The following BPGM variants were observed in gnomAD, a reference collection of about 807,000 sequenced individuals.
BPGM encodes bisphosphoglycerate mutase.
Under a neutral mutation model 21.6 loss-of-function variants are expected in BPGM, and 15 were observed. That is an observed-to-expected ratio of 0.70 (90% CI 0.47 to 1.07). The LOEUF (loss-of-function observed/expected upper bound fraction) is 1.07, where lower values mean the gene tolerates loss of function less well. BPGM is among the 50% of genes least tolerant of loss of function. The pLI, the probability that BPGM is intolerant of heterozygous loss-of-function variation, is 0.00. For synonymous variants in BPGM, 113 were observed against 116.2 expected (o/e 0.97, Z 0.18); for missense variants, 273 against 319.0 (o/e 0.86, Z 1.10).
At chr7:134,651,078 G>A (rs1031752322) in intron 1 of BPGM, among the ~76,000 whole-genome samples, 1 of 152,138 alleles carries the variant, frequency 6.6e-6, no homozygotes, top group African/African-American at 2.4e-5. Flanking sequence ...TCTTGCAGTG[G>A]GGGTTAAAAG....
At chr7:134,667,940 C>T (rs1795844659) in intron 2 of BPGM, among the ~76,000 whole-genome samples, 1 of 152,076 alleles carries the variant, frequency 6.6e-6, no homozygotes, top group Non-Finnish European at 1.5e-5. Context: ...GAATCATGAC[C>T]CCAGTTAAAT....
intron 2 of BPGM, among the ~76,000 whole-genome samples, chr7:134,678,399 C>G (rs1007485918): frequency 1.3e-5 from 2 of 152,294 alleles, no homozygotes; most frequent in Non-Finnish European, 2.9e-5. Context: ...GAAAACCAAA[C>G]ACATTTTAAG....
At chr7:134,655,060 T>C (rs979867231) in intron 1 of BPGM, among the ~76,000 whole-genome samples, 3 of 152,176 alleles carry the variant, frequency 2.0e-5, no homozygotes, top group African/African-American at 7.2e-5. Context: ...TGATGTAAAT[T>C]ATTGATTAAA....
intron 2 of BPGM, among the ~76,000 whole-genome samples, chr7:134,668,632 A>G (rs980880005): frequency 1.3e-5 from 2 of 152,186 alleles, no homozygotes; most frequent in South Asian, 2.1e-4. Context: ...CTGGAAAGCT[A>G]TGGTTCAATA....
chr7:134,662,057 C>T lies in BPGM; in HGVS notation c.550C>T (p.Leu184=). Reference sequence around the variant, plus strand: ...CGAAGTATTACGTGGCAAAACCATTCTGATATCTGCTCATGGAAATAGCAG... The same window carrying T: ...CGAAGTATTACGTGGCAAAACCATTTTGATATCTGCTCATGGAAATAGCAG... ...APEVLRGKTI[L]ISAHGNSSRA... Residue 184 remains leucine, a synonymous_variant, in exon 2 of 3, where the codon CTG becomes TTG. Coordinates refer to ENST00000344924, the MANE Select transcript of BPGM (RefSeq NM_001724.5). 1.9e-6 allele frequency: 3 copies of T among 1,614,134 alleles called. No individual in the cohort carries two copies. The East Asian group carries it at 6.7e-5, about 36-fold the overall frequency.
At chr7:134,677,877 G>A (rs1796004465) in intron 2 of BPGM, among the ~76,000 whole-genome samples, 1 of 152,148 alleles carries the variant, frequency 6.6e-6, no homozygotes, top group Non-Finnish European at 1.5e-5. Context: ...ATTATACAGT[G>A]GGTACAGACC....
chr7:134,658,396 A>G (rs2131424993), intron 1 of BPGM: 1 of 152,324 alleles, frequency 6.6e-6, no homozygotes, highest in East Asian at 1.9e-4. Flanking sequence ...AGGTTATCGG[A>G]AAACTTTCTG....
At chr7:134,664,805 G>A (rs1795789787) in intron 2 of BPGM, among the ~76,000 whole-genome samples, 1 of 152,184 alleles carries the variant, frequency 6.6e-6, no homozygotes, top group Admixed American at 6.5e-5. Context: ...GGTGAACATT[G>A]AAATAACTCT....
chr7:134,666,188 C>T (rs1197656226), intron 2 of BPGM, among the ~76,000 whole-genome samples: 1 of 152,154 alleles, frequency 6.6e-6, no homozygotes. Context: ...CCATTAATGA[C>T]ATTTTAAAGT....
intron 1 of BPGM, among the ~76,000 whole-genome samples, chr7:134,648,864 A>G (rs1010293276): frequency 5.3e-5 from 8 of 152,200 alleles, no homozygotes; most frequent in Admixed American, 1.3e-4. Context: ...TAAACTCTGT[A>G]TTTAAAGTCT....
At chr7:134,670,746 A>G (rs1795891244) in intron 2 of BPGM, among the ~76,000 whole-genome samples, 1 of 152,164 alleles carries the variant, frequency 6.6e-6, no homozygotes, top group Non-Finnish European at 1.5e-5. Flanking sequence ...TGACCAGGAG[A>G]GGAAAGTGAG....
At chr7:134,662,242 T>C (rs1795748319) in intron 2 of BPGM, 134 bp downstream of exon 2, 4 of 1,281,580 alleles carry the variant, frequency 3.1e-6, no homozygotes, top group African/African-American at 1.5e-5. Flanking sequence ...GATTTAAGAA[T>C]TGTCTTGTTC....
intron 1 of BPGM, chr7:134,658,308 T>A (rs1027151280): frequency 6.6e-6 from 1 of 152,202 alleles, no homozygotes; most frequent in Admixed American, 6.5e-5. Context: ...TTCATCCTAG[T>A]CTTCGATGTC....
At chr7:134,674,732 A>T (rs892075351) in intron 2 of BPGM, among the ~76,000 whole-genome samples, 5 of 152,190 alleles carry the variant, frequency 3.3e-5, no homozygotes, top group African/African-American at 1.2e-4. Flanking sequence ...AGGTTTGTGT[A>T]CAAGTTTTGT....
In BPGM at chr7:134,678,860, A is replaced by G. The variant is rs774566173; in HGVS notation, c.609A>G (p.Ser203=). ...TCCTGTCCTGATCAACAGGTATCTC[A>G]GATGAAGACATCATCAACATTACTC... is the stretch of plus-strand genomic sequence containing the variant. The part of the protein sequence containing the change: ...RALLKHLEGI[S]DEDIINITLP... Residue 203 remains serine, a synonymous_variant, in exon 3 of 3, where the codon TCA becomes TCG. Coordinates refer to ENST00000344924, the MANE Select transcript of BPGM (RefSeq NM_001724.5). 15 of 1,613,574 alleles carry G rather than the reference A, an allele frequency of 9.3e-6. No homozygotes were observed. Among genetic ancestry groups the G allele is most frequent in the Non-Finnish European group, 1.3e-5 (15 of 1,179,460 alleles).
intron 1 of BPGM, among the ~76,000 whole-genome samples, chr7:134,657,555 G>T (rs1795659808): frequency 6.6e-6 from 1 of 152,184 alleles, no homozygotes; most frequent in Non-Finnish European, 1.5e-5. Context: ...AGGATGGTGG[G>T]GGAGGGGCGA....
intron 2 of BPGM, among the ~76,000 whole-genome samples, chr7:134,664,053 T>C (rs561728285): frequency 6.6e-6 from 1 of 152,310 alleles, no homozygotes; most frequent in South Asian, 2.1e-4. Context: ...TTTGAAACTA[T>C]TAGCAATTTA....
chr7:134,658,890 G>GTT (rs1284887799), intron 1 of BPGM, among the ~76,000 whole-genome samples: 7 of 137,812 alleles, frequency 5.1e-5, no homozygotes, highest in African/African-American at 1.3e-4. Context: ...GTGTGTGTGT[G>GTT]TATTTTTTTT....
intron 2 of BPGM, among the ~76,000 whole-genome samples, chr7:134,673,532 A>G (rs149164499): frequency 0.012 from 1,885 of 152,310 alleles, 19 homozygotes; most frequent in Non-Finnish European, 0.019. Flanking sequence ...AATCCCATGT[A>G]TACCCAAGCC....
Sources: gnomAD v4.1 joint callset for allele counts (sites outside exome capture counted in the v4.1 genomes callset) on GRCh38, gnomAD v4.1.1 for gene constraint, MANE v1.5 for transcripts, NCBI Gene and HGNC (gene_info 2026-07-23, HGNC 2026-07-21) for gene names.